The following TRPM2 variants were observed in gnomAD, a reference collection of about 807,000 sequenced individuals.
TRPM2 encodes estrogen-responsive element-associated gene 1 protein.
In TRPM2, 161 loss-of-function variants were observed where a neutral mutation model predicts 174.0. The observed-to-expected ratio is 0.93, with a 90% CI of 0.81 to 1.05. The LOEUF is 1.05. Among genes scored for constraint, TRPM2 ranks in the 50% least tolerant of loss-of-function variants. The probability of loss-of-function intolerance (pLI) is 0.00; values close to 1 mark genes in which losing one functional copy is unlikely to be tolerated. For missense variants in TRPM2, 2,057 were observed against 2,038.0 expected (o/e 1.01, Z -0.18); for synonymous variants, 954 against 861.3 (o/e 1.11, Z -1.88).
At position 44,368,978 on chromosome 21, in the gene TRPM2, G is replaced by A. The variant is rs2048441589; in HGVS notation, c.605-199G>A. The A allele has an allele frequency of 5.8e-6, 3 of 513,308 alleles. No individual in the cohort carries two copies. In the South Asian group the frequency reaches 1.2e-4, roughly 21 times the overall value. 31.8% of individuals were successfully genotyped at this position (513,308 alleles called of 1,614,324 possible). ...AGGGACCGGGAGAGGGGCGGGGCCT[G>A]CTCCTGTTCCCACCCCACCTGAGCG... On this transcript the variant is annotated intron_variant, in intron 4 of 31. Transcript: ENST00000397928.
intron 20 of TRPM2, 139 bp downstream of exon 20, chr21:44,414,213 G>C (rs1314632479): frequency 5.2e-6 from 6 of 1,153,606 alleles, no homozygotes; most frequent in Non-Finnish European, 5.0e-6. Flanking sequence ...TCATATCCTG[G>C]TGGAGTGTGC....
rs45498695 is a variant in TRPM2, at chr21:44,414,033, C to T, written c.3105C>T (p.Phe1035=). 0.028 allele frequency: 45,936 copies of T among 1,613,440 alleles called. 789 individuals carry two copies. Among genetic ancestry groups the T allele is most frequent in the Admixed American group, 0.038 (2,255 of 60,010 alleles). The change falls in exon 20 of 32, where the codon TTC becomes TTT. Residue 1035 remains phenylalanine (F), a synonymous_variant. Coordinates refer to ENST00000397928, the MANE Select transcript of TRPM2 (RefSeq NM_003307.4). The stretch of plus-strand genomic sequence containing the variant: ...TCCTACTCTGCCTCTACCTGCTCTT[C>T]ACCAACATCCTGCTGCTCAACCTCC... ...TVLLLCLYLL[F]TNILLLNLLI... is the part of the protein sequence containing the mutation.
chr21:44,435,350 G>C lies in TRPM2; in HGVS notation c.4061+133G>C, dbSNP rs2051204279. The C allele has an allele frequency of 5.6e-6, 5 of 892,164 alleles. No individual in the cohort carries two copies. The East Asian group carries it at 1.1e-4, about 20-fold the overall frequency. 55.3% of individuals were successfully genotyped at this position (892,164 alleles called of 1,614,324 possible). On this transcript the variant is annotated intron_variant, in intron 28 of 31. Transcript: ENST00000397928. ...ATGCTTGGCACTTGGTGCCTACTGG[G>C]GGGATGCGGGAGGCGTCTGTGGATA...
intron 27 of TRPM2, among the ~76,000 whole-genome samples, chr21:44,434,916 G>A (rs2051176480): frequency 6.6e-6 from 1 of 152,100 alleles, no homozygotes; most frequent in Admixed American, 6.5e-5. Context: ...CCCCCACCAG[G>A]TGACCCCGAG....
Position 44,354,106 on chromosome 21 carries a change from A to T in TRPM2, c.165+241A>T, listed in dbSNP as rs1372711196. Among the ~76,000 whole-genome samples, 3 of 152,174 alleles carry T rather than the reference A, an allele frequency of 2.0e-5. No individual in the cohort carries two copies. The highest frequency in any genetic ancestry group is 2.0e-4 in the Admixed American group (3 of 15,276). On this transcript the variant is annotated intron_variant, in intron 1 of 31. Transcript: ENST00000397928. This position sits in a 1 kb window ranked among gnomAD's most constrained non-coding sequence, Gnocchi z 4.3. ...TTGGGAAATCACCGGGTTAACTCAA[A>T]AATGTTGCGCTAGAGTCCTGGAAAT...
At chr21:44,425,093 G>A in intron 24 of TRPM2, 154 bp downstream of exon 24, 1 of 683,144 alleles carries the variant, frequency 1.5e-6, no homozygotes, top group Non-Finnish European at 2.4e-6. Flanking sequence ...GCGCCCTCAG[G>A]AACTCAGCCC....
At chr21:44,407,632 C>T (rs2049951421) in intron 19 of TRPM2, among the ~76,000 whole-genome samples, 1 of 151,752 alleles carries the variant, frequency 6.6e-6, no homozygotes, top group African/African-American at 2.4e-5. Flanking sequence ...GCCACAGCCA[C>T]CCACGAAGCT....
chr21:44,398,869 A>C (rs1183278294), intron 13 of TRPM2, among the ~76,000 whole-genome samples: 1 of 152,156 alleles, frequency 6.6e-6, no homozygotes, highest in African/African-American at 2.4e-5. Flanking sequence ...CTACTTTGTT[A>C]GTCTTACAAA....
Position 44,366,163 on chromosome 21 carries a change from G to T in TRPM2, c.424-591G>T, listed in dbSNP as rs1400948876. On this transcript the variant is annotated intron_variant, in intron 3 of 31. Coordinates refer to ENST00000397928, the MANE Select transcript of TRPM2 (RefSeq NM_003307.4). This position sits in a 1 kb window ranked among gnomAD's most constrained non-coding sequence, Gnocchi z 6.0. ...GCCAGAGTGACGACAGAACCTGGGA[G>T]AGCCGTGTTCAGACGGGAGGCAGAG... Among the ~76,000 whole-genome samples, 1 of 152,184 alleles carries T rather than the reference G, an allele frequency of 6.6e-6. No individual in the cohort carries two copies. Among genetic ancestry groups the T allele is most frequent in the Non-Finnish European group, 1.5e-5 (1 of 68,040 alleles).
intron 2 of TRPM2, among the ~76,000 whole-genome samples, chr21:44,356,197 G>GT (rs150208447): frequency 0.25 from 33,718 of 137,598 alleles, 4,362 homozygotes; most frequent in African/African-American, 0.36. Flanking sequence ...ATTTTTAATT[G>GT]TTTTTTTTTT....
intron 16 of TRPM2, among the ~76,000 whole-genome samples, chr21:44,404,009 T>C (rs895954531): frequency 1.3e-5 from 2 of 150,122 alleles, no homozygotes; most frequent in Non-Finnish European, 2.9e-5. Flanking sequence ...CATACACACA[T>C]GCACATACAC....
chr21:44,373,412 C>A (rs369456735), intron 5 of TRPM2, among the ~76,000 whole-genome samples: 237 of 152,290 alleles, frequency 1.6e-3, no homozygotes, highest in African/African-American at 5.5e-3. Flanking sequence ...GTCTCGAACT[C>A]CTGACCTCAA....
rs1271258428 is a variant in TRPM2 at position 44,379,184 on chromosome 21, AGT to A, written c.1204_1205del (p.Trp402AspfsTer69). On this transcript the variant is annotated frameshift_variant, in exon 8 of 32. Transcript: ENST00000397928. LOFTEE classifies it high-confidence loss of function. ...ACCTTCACGGAAAGCAGGATTGTCG[AGT>A]GGACCAAAAAGGTGAGGCTGACGGG... The A allele has an allele frequency of 6.2e-7, 1 of 1,612,880 alleles. No individual in the cohort carries two copies.
rs921376078 is a variant in TRPM2 at position 44,441,249 on chromosome 21, T to G, written c.4386+344T>G. ...GCTCACAGGGCTGGCCAGGCGACCA[T>G]AGGGCCCTGTGTAGTTCTGGGACCT... On this transcript the variant is annotated intron_variant, in intron 31 of 31. Transcript: ENST00000397928. 2.6e-3 allele frequency among the ~76,000 whole-genome samples: 388 copies of G among 152,134 alleles called. 3 individuals are homozygous for G. The highest frequency in any genetic ancestry group is 9.0e-3 in the African/African-American group (372 of 41,514).
At chr21:44,352,917 A>G (rs1030847013), upstream of TRPM2, among the ~76,000 whole-genome samples, 3 of 152,224 alleles carry the variant, frequency 2.0e-5, no homozygotes, top group Non-Finnish European at 4.4e-5. Context: ...CACTTTGGGA[A>G]GCGGAGGCTG....
intron 11 of TRPM2, among the ~76,000 whole-genome samples, chr21:44,394,393 C>A (rs1040763864): frequency 6.9e-6 from 1 of 145,000 alleles, no homozygotes; most frequent in Non-Finnish European, 1.5e-5. Flanking sequence ...AATCTTGGCT[C>A]ACTGCAACCT....
intron 14 of TRPM2, among the ~76,000 whole-genome samples, 162 bp from the exon 15 acceptor site, chr21:44,400,097 C>T (rs778811883): frequency 6.6e-6 from 1 of 152,184 alleles, no homozygotes; most frequent in Non-Finnish European, 1.5e-5. Context: ...GGATTGGACA[C>T]CCAAAGCCCC....
intron 5 of TRPM2, among the ~76,000 whole-genome samples, chr21:44,373,951 A>T (rs28602968): frequency 0.05 from 7,619 of 151,512 alleles, 591 homozygotes; most frequent in African/African-American, 0.16. Flanking sequence ...AGAAGAAGCA[A>T]CTGTGATGTT....
intron 20 of TRPM2, among the ~76,000 whole-genome samples, chr21:44,417,540 G>T (rs1482958776): frequency 1.8e-5 from 2 of 112,978 alleles, no homozygotes; most frequent in Admixed American, 8.8e-5. Context: ...TAGTGGGCAC[G>T]TGGGCATGGC....
Sources: gnomAD v4.1 joint callset for allele counts (sites outside exome capture counted in the v4.1 genomes callset) on GRCh38, gnomAD v4.1.1 for gene constraint, Gnocchi (gnomAD v3.1) non-coding constraint, MANE v1.5 for transcripts, NCBI Gene and HGNC (gene_info 2026-07-23, HGNC 2026-07-21) for gene names.